The following TMPO variants were observed in gnomAD, a reference collection of about 807,000 sequenced individuals.
TMPO encodes the protein LEM domain containing 4.
A neutral mutation model predicts 45.4 loss-of-function variants in TMPO; 22 were observed. The observed-to-expected ratio is 0.48, with a 90% CI of 0.35 to 0.69. The LOEUF (loss-of-function observed/expected upper bound fraction) is 0.69, where lower values mean the gene tolerates loss of function less well. Among genes scored for constraint, TMPO ranks in the 30% least tolerant of loss-of-function variants. The pLI, the probability that TMPO is intolerant of heterozygous loss-of-function variation, is 0.01. For synonymous variants in TMPO, 241 were observed against 204.1 expected, an observed-to-expected ratio of 1.18 and a Z score of -1.54; for missense variants, 512 against 548.8, an observed-to-expected ratio of 0.93 and a Z score of 0.67.
At chr12:98,538,349 G>A (rs982812422) in intron 4 of TMPO, among the ~76,000 whole-genome samples, 1 of 151,988 alleles carries the variant, frequency 6.6e-6, no homozygotes, top group East Asian at 1.9e-4. Context: ...TCTCCTATTT[G>A]TCACTTTGTG....
At chr12:98,539,471 C>CTTTTTTTTTTTTTTTTTTTTTT (rs398039980) in intron 4 of TMPO, among the ~76,000 whole-genome samples, 1 of 123,492 alleles carries the variant, frequency 8.1e-6, no homozygotes, top group African/African-American at 3.1e-5. Flanking sequence ...TTTTAAATTA[C>CTTTTTTTTTTTTTTTTTTTTTT]TTTTTTTTTT....
intron 3 of TMPO, chr12:98,532,772 C>A: frequency 6.2e-7 from 1 of 1,613,466 alleles, no homozygotes; most frequent in Non-Finnish European, 8.5e-7. Context: ...AGAATAAAAT[C>A]AGCTCAAACA....
chr12:98,531,233 TC>T, intron 2 of TMPO, among the ~76,000 whole-genome samples: 1 of 139,628 alleles, frequency 7.2e-6, no homozygotes, highest in South Asian at 2.3e-4. Flanking sequence ...AGCCACCACG[TC>T]CTTTTTTTTT....
intron 4 of TMPO, among the ~76,000 whole-genome samples, chr12:98,538,780 G>A (rs1877725897): frequency 6.6e-6 from 1 of 152,194 alleles, no homozygotes; most frequent in Non-Finnish European, 1.5e-5. Flanking sequence ...AATGAGCTTT[G>A]TGACAAGAAC....
chr12:98,547,661 T>C lies in TMPO; in HGVS notation c.1168T>C (p.Tyr390His). Reference protein sequence around the residue: ...FRMEESFSSKYVPKYVPLADV... With the variant: ...FRMEESFSSKHVPKYVPLADV... ...GATGGAGGAGTCTTTTTCATCTAAA[T>C]ATGTTCCTAAGTATGTTCCCTTGGC... is the stretch of plus-strand genomic sequence containing the variant. The change falls in exon 9 of 9, where the codon TAT becomes CAT. Residue 390 changes from tyrosine to histidine, a missense_variant. This residue lies in a region of TMPO where 209 missense variants were observed against 235.1 expected (regional missense o/e 0.89). Coordinates refer to ENST00000556029, the MANE Select transcript of TMPO (RefSeq NM_001032283.3). 1 of 1,614,204 alleles carries C rather than the reference T, an allele frequency of 6.2e-7. No homozygotes were observed. Among genetic ancestry groups the C allele is most frequent in the Non-Finnish European group, 8.5e-7 (1 of 1,180,038 alleles).
At chr12:98,534,271 C>G (rs1215543852) in intron 3 of TMPO, 3 of 1,613,520 alleles carry the variant, frequency 1.9e-6, no homozygotes, top group Admixed American at 1.7e-5. Flanking sequence ...GGCTTCCACT[C>G]CCTTTAAAGG....
intron 1 of TMPO, among the ~76,000 whole-genome samples, chr12:98,523,360 C>T (rs1376900419): frequency 6.6e-6 from 1 of 152,088 alleles, no homozygotes; most frequent in Non-Finnish European, 1.5e-5. Context: ...TCGAGACCAG[C>T]CTGGCCAACA....
chr12:98,515,882 G>A lies in TMPO; in HGVS notation c.15G>A (p.Leu5=). The change falls in exon 1 of 9, where the codon CTG becomes CTA. Residue 5 remains leucine, a synonymous_variant. Transcript: ENST00000556029. ...AGATCCCCGAGATGCCGGAGTTCCT[G>A]GAAGACCCCTCGGTCCTGACAAAAG... MPEF[L]EDPSVLTKDK... The A allele has an allele frequency of 6.2e-7, 1 of 1,613,538 alleles. No homozygotes were observed. Among genetic ancestry groups the A allele is most frequent in the Non-Finnish European group, 8.5e-7 (1 of 1,179,708 alleles).
intron 2 of TMPO, among the ~76,000 whole-genome samples, chr12:98,529,352 GC>G (rs1357890465): frequency 6.6e-6 from 1 of 152,020 alleles, no homozygotes; most frequent in Non-Finnish European, 1.5e-5. Context: ...ACCGCGCTGA[GC>G]CCCTTTTTCA....
intron 3 of TMPO, chr12:98,533,335 C>G: frequency 6.2e-7 from 1 of 1,614,196 alleles, no homozygotes; most frequent in South Asian, 1.1e-5. Flanking sequence ...AAGGAAAGCA[C>G]TAGAAGAGTC....
chr12:98,528,037 A>G (rs375017046), intron 2 of TMPO, 25 bp downstream of exon 2: 9 of 1,613,508 alleles, frequency 5.6e-6, no homozygotes, highest in South Asian at 5.5e-5. Flanking sequence ...TTTCAAATAC[A>G]GTATCTTTTC....
chr12:98,533,305 C>G lies in TMPO; in HGVS notation c.565+1467C>G, dbSNP rs200124801. The G allele has an allele frequency of 7.4e-6, 12 of 1,614,076 alleles. No homozygotes were observed. The highest frequency in any genetic ancestry group is 2.2e-5 in the South Asian group (2 of 91,062). Reference sequence around the variant, plus strand: ...TCCTGAGAGGTCCCATATTTCAGATCAATCGCCTCTCTCCAGTAAAAGGAA... The same window carrying G: ...TCCTGAGAGGTCCCATATTTCAGATGAATCGCCTCTCTCCAGTAAAAGGAA... On this transcript the variant is annotated intron_variant, in intron 3 of 8. Coordinates refer to ENST00000556029, the MANE Select transcript of TMPO (RefSeq NM_001032283.3).
chr12:98,516,134 A>T lies in TMPO; in HGVS notation c.267A>T (p.Ala89=), dbSNP rs1055056946. The change falls in exon 1 of 9, where the codon GCA becomes GCT. Residue 89 remains alanine (A), a synonymous_variant. Coordinates refer to ENST00000556029, the MANE Select transcript of TMPO (RefSeq NM_001032283.3). ...SGAAAAGRSR[A]AVGRKATKKT... ...CCGCCGCCGCGGGCCGGAGCCGAGC[A>T]GCCGTCGGCAGGGTAAGGACGCGGG... 1.8e-5 allele frequency: 27 copies of T among 1,462,764 alleles called. No individual in the cohort carries two copies. The highest frequency in any genetic ancestry group is 2.4e-5 in the Non-Finnish European group (27 of 1,117,172). The allele number at this position is 1,462,764 out of a possible 1,614,324, so 90.6% of individuals were successfully genotyped here. A position where few individuals can be genotyped will look rare whatever the true frequency, so the allele number is the denominator to read the frequency against.
intron 2 of TMPO, among the ~76,000 whole-genome samples, chr12:98,530,440 G>C (rs1163413982): frequency 6.6e-6 from 1 of 152,034 alleles, no homozygotes; most frequent in African/African-American, 2.4e-5. Flanking sequence ...TCATCTTAAG[G>C]CTATTTATAT....
At chr12:98,545,246 A>T (rs1419122002) in intron 7 of TMPO, among the ~76,000 whole-genome samples, 185 bp downstream of exon 7, 1 of 151,576 alleles carries the variant, frequency 6.6e-6, no homozygotes, top group East Asian at 1.9e-4. Flanking sequence ...GAAATTAACT[A>T]ATATAGTTTG....
rs371536928 is a variant in TMPO, at chr12:98,535,312, AGTATCT to A, written c.566-2158_566-2153del. 3.1e-6 allele frequency: 3 copies of A among 982,900 alleles called. No homozygotes were observed. The African/African-American group carries it at 5.2e-5, about 17-fold the overall frequency. The allele number at this position is 982,900 out of a possible 1,614,324, so 60.9% of individuals were successfully genotyped here. A position where few individuals can be genotyped will look rare whatever the true frequency, so the allele number is the denominator to read the frequency against. On this transcript the variant is annotated intron_variant, in intron 3 of 8. Coordinates refer to ENST00000556029, the MANE Select transcript of TMPO (RefSeq NM_001032283.3). Reference sequence around the variant, plus strand: ...GCCATAAGAAATTATACTATATCCCAGTATCTGTATGTCTGTATAAAGCAGTGTATT... The same window carrying A: ...GCCATAAGAAATTATACTATATCCCAGTATGTCTGTATAAAGCAGTGTATT...
intron 4 of TMPO, among the ~76,000 whole-genome samples, chr12:98,542,932 T>C (rs567149726): frequency 4.5e-4 from 68 of 152,346 alleles, no homozygotes; most frequent in Non-Finnish European, 8.2e-4. Context: ...AGTTTCTCTT[T>C]TGACAATAAT....
intron 1 of TMPO, among the ~76,000 whole-genome samples, chr12:98,527,139 A>G (rs1257143141): frequency 6.6e-6 from 1 of 152,044 alleles, no homozygotes; most frequent in Non-Finnish European, 1.5e-5. Context: ...TTTACTTTCC[A>G]TGGTTCATGC....
chr12:98,531,593 TA>T, intron 2 of TMPO, 86 bp from the exon 3 acceptor site: 2 of 1,378,374 alleles, frequency 1.5e-6, no homozygotes, highest in East Asian at 4.7e-5. Context: ...AGGGTGAAAA[TA>T]GCTTAAAATG....
Sources: allele counts gnomAD v4.1 joint callset (sites outside exome capture counted in the v4.1 genomes callset), GRCh38; gene constraint gnomAD v4.1.1; regional missense constraint gnomAD v4.1.1; transcripts MANE v1.5; gene names NCBI Gene and HGNC (gene_info 2026-07-23, HGNC 2026-07-21).